Variants in SHISA6 observed in about 807,000 individuals in gnomAD.
The protein encoded by SHISA6 is shisa family member 6.
SHISA6 carries 22 observed loss-of-function variants against 47.9 expected under a neutral mutation model. The observed-to-expected ratio is 0.46, with a 90% CI of 0.33 to 0.66. The LOEUF is 0.66. SHISA6 is among the 30% of genes least tolerant of loss of function. SHISA6 has a pLI of 0.02. For synonymous variants in SHISA6, 388 were observed against 337.8 expected (o/e 1.15, Z -1.63); for missense variants, 680 against 764.6 (o/e 0.89, Z 1.30).
At chr17:11,276,363 G>C (rs1220181517) in intron 2 of SHISA6, among the ~76,000 whole-genome samples, 5 of 152,164 alleles carry the variant, frequency 3.3e-5, no homozygotes, top group African/African-American at 1.2e-4. Flanking sequence ...TGATGGGAGG[G>C]AGATGGGACT....
chr17:11,445,936 T>C (rs1915218997), intron 3 of SHISA6, among the ~76,000 whole-genome samples: 1 of 152,234 alleles, frequency 6.6e-6, no homozygotes, highest in African/African-American at 2.4e-5. Context: ...CAAGCGATTC[T>C]CCTGCCTCGG....
At chr17:11,539,639 T>A (rs1462431709) in intron 3 of SHISA6, among the ~76,000 whole-genome samples, 1 of 152,238 alleles carries the variant, frequency 6.6e-6, no homozygotes, top group East Asian at 1.9e-4. Context: ...ACCTGCTAAC[T>A]GCTGCTGGTG....
chr17:11,290,135 G>C (rs991499149), intron 2 of SHISA6: 1 of 151,958 alleles, frequency 6.6e-6, no homozygotes, highest in African/African-American at 2.4e-5. Context: ...TTCATATTTT[G>C]TTATTAAAGT....
intron 2 of SHISA6, among the ~76,000 whole-genome samples, chr17:11,272,377 G>T (rs867652826): frequency 6.6e-6 from 1 of 152,110 alleles, no homozygotes; most frequent in Non-Finnish European, 1.5e-5. Flanking sequence ...TCCCTGCCCG[G>T]GGGCCTTTCT....
rs73286897 is a variant in SHISA6 at position 11,536,615 on chromosome 17, G to C, written c.896-15281G>C. ...AGAATCTCACAGCAATCCCACTTCAGAGGGAATATCATAGGCCTTATGCCT... is the reference window on the plus strand; with the variant it reads ...AGAATCTCACAGCAATCCCACTTCACAGGGAATATCATAGGCCTTATGCCT... On this transcript the variant is annotated intron_variant, in intron 3 of 5. Coordinates refer to ENST00000441885, the MANE Select transcript of SHISA6 (RefSeq NM_207386.4). 6.2e-3 allele frequency among the ~76,000 whole-genome samples: 940 copies of C among 152,262 alleles called. 9 individuals carry two copies. Among genetic ancestry groups the C allele is most frequent in the African/African-American group, 0.02 (850 of 41,554 alleles).
chr17:11,548,294 C>T (rs4792148), intron 3 of SHISA6, among the ~76,000 whole-genome samples: 35,246 of 151,952 alleles, frequency 0.23, 4,267 homozygotes, highest in South Asian at 0.3. Context: ...CTCCGAACAT[C>T]CAAAAAACAG....
intron 3 of SHISA6, among the ~76,000 whole-genome samples, chr17:11,387,236 G>T (rs763201254): frequency 2.0e-5 from 3 of 152,152 alleles, no homozygotes; most frequent in South Asian, 2.1e-4. Context: ...TTGGGGACTG[G>T]TTTGGGTATG....
chr17:11,463,743 G>A (rs751716618), intron 3 of SHISA6, among the ~76,000 whole-genome samples: 18 of 152,126 alleles, frequency 1.2e-4, no homozygotes, highest in African/African-American at 1.7e-4. Flanking sequence ...GTACAAGTAC[G>A]CAGTCAATTA....
At chr17:11,521,630 C>A (rs2071630691) in intron 3 of SHISA6, among the ~76,000 whole-genome samples, 1 of 126,298 alleles carries the variant, frequency 7.9e-6, no homozygotes, top group Non-Finnish European at 1.7e-5. Flanking sequence ...CATAGTGAGA[C>A]CCCATCTCTA....
chr17:11,315,937 C>T (rs1032701861), intron 2 of SHISA6, among the ~76,000 whole-genome samples: 5 of 152,208 alleles, frequency 3.3e-5, no homozygotes, highest in African/African-American at 1.2e-4. Context: ...ATTTTTTATG[C>T]TCTGAAGTGG....
intron 3 of SHISA6, among the ~76,000 whole-genome samples, chr17:11,512,800 C>G (rs964350311): frequency 6.6e-6 from 1 of 151,990 alleles, no homozygotes; most frequent in Non-Finnish European, 1.5e-5. Flanking sequence ...TTTCACTTAA[C>G]TTGCATAAAT....
intron 2 of SHISA6, among the ~76,000 whole-genome samples, chr17:11,278,742 A>G (rs537166006): frequency 6.6e-6 from 1 of 152,246 alleles, no homozygotes; most frequent in African/African-American, 2.4e-5. Context: ...CAAGCTTCGT[A>G]TTTCCCTTTG....
chr17:11,334,339 C>T (rs1391143254), intron 2 of SHISA6, among the ~76,000 whole-genome samples: 1 of 152,180 alleles, frequency 6.6e-6, no homozygotes, highest in East Asian at 1.9e-4. Flanking sequence ...AAAAAAAATT[C>T]ACCCAGTTGG....
chr17:11,379,766 T>C, intron 3 of SHISA6: 1 of 360,162 alleles, frequency 2.8e-6, no homozygotes, highest in Non-Finnish European at 5.0e-6. Context: ...TGCCGGCGGC[T>C]CCTTGTGGGA....
chr17:11,513,954 C>T (rs2071561960), intron 3 of SHISA6, among the ~76,000 whole-genome samples: 1 of 152,216 alleles, frequency 6.6e-6, no homozygotes. Context: ...AGCAGCCCAA[C>T]ATCTCAAAAG....
At chr17:11,458,719 C>G (rs1048493729) in intron 3 of SHISA6, among the ~76,000 whole-genome samples, 1 of 152,208 alleles carries the variant, frequency 6.6e-6, no homozygotes, top group Non-Finnish European at 1.5e-5. Flanking sequence ...CCATGCTACT[C>G]TCCTGAGAAG....
chr17:11,448,464 C>T (rs903995315), intron 3 of SHISA6, among the ~76,000 whole-genome samples: 1 of 151,110 alleles, frequency 6.6e-6, no homozygotes, highest in Non-Finnish European at 1.5e-5. Context: ...CCCAAGAGAT[C>T]GAGGCTGCAG....
At chr17:11,264,765 A>C in intron 2 of SHISA6, among the ~76,000 whole-genome samples, 1 of 152,224 alleles carries the variant, frequency 6.6e-6, no homozygotes, top group Non-Finnish European at 1.5e-5. Context: ...TTTTCCATTC[A>C]TTCTTTAATT....
At chr17:11,311,297 A>C (rs79982302) in intron 2 of SHISA6, among the ~76,000 whole-genome samples, 2 of 142,572 alleles carry the variant, frequency 1.4e-5, no homozygotes, top group Non-Finnish European at 1.5e-5. Context: ...AAAAAAAAAA[A>C]AAACCGACAA....
Sources: gnomAD v4.1 joint callset for allele counts (sites outside exome capture counted in the v4.1 genomes callset) on GRCh38, gnomAD v4.1.1 for gene constraint, MANE v1.5 for transcripts, NCBI Gene and HGNC (gene_info 2026-07-23, HGNC 2026-07-21) for gene names.